The following CDH1 variants were observed in gnomAD, a reference collection of about 807,000 sequenced individuals.
CDH1 encodes cadherin-1.
A neutral mutation model predicts 84.5 loss-of-function variants in CDH1; 35 were observed. That is an observed-to-expected ratio of 0.41 (90% CI 0.32 to 0.55). The LOEUF (loss-of-function observed/expected upper bound fraction) is 0.55, where lower values mean the gene tolerates loss of function less well. Ranked by LOEUF, CDH1 falls within the 20% of genes least tolerant of loss-of-function variation. The pLI, the probability that CDH1 is intolerant of heterozygous loss-of-function variation, is 0.19. For missense variants in CDH1, 994 were observed against 1,126.6 expected (o/e 0.88, Z 1.68); for synonymous variants, 417 against 439.0 (o/e 0.95, Z 0.63).
intron 3 of CDH1, among the ~76,000 whole-genome samples, chr16:68,807,551 T>C (rs1031921418): frequency 2.0e-5 from 3 of 151,606 alleles, no homozygotes; most frequent in Non-Finnish European, 4.4e-5. Flanking sequence ...TGGTGGTGCA[T>C]GGTGGTGGAT....
chr16:68,820,855 C>T (rs1209653637), intron 11 of CDH1, among the ~76,000 whole-genome samples: 1 of 151,902 alleles, frequency 6.6e-6, no homozygotes, highest in Non-Finnish European at 1.5e-5. Context: ...GGCTTGAGGC[C>T]AGGAGTTCAA....
rs1555516163 is a variant in CDH1 at position 68,815,690 on chromosome 16, T to C, written c.1496T>C (p.Phe499Ser). 1 of 1,614,244 alleles carries C rather than the reference T, an allele frequency of 6.2e-7. No homozygotes were observed. The highest frequency in any genetic ancestry group is 8.5e-7 in the Non-Finnish European group (1 of 1,180,046). ...PEKRVEVSED[F>S]GVGQEITSYT... is the part of the protein sequence containing the mutation. ...AAGAGAGTGGAAGTGTCCGAGGACT[T>C]TGGCGTGGGCCAGGAAATCACATCC... Residue 499 changes from phenylalanine to serine, a missense_variant, in exon 10 of 16, where the codon TTT becomes TCT. By Grantham distance (155) the Phe-to-Ser change is radical. Around this residue, in one of 3 missense-constraint regions of CDH1, gnomAD observed 769 missense variants for 881.8 expected, o/e 0.87. Coordinates refer to ENST00000261769, the MANE Select transcript of CDH1 (RefSeq NM_004360.5).
chr16:68,749,292 G>T (rs1962828247), intron 2 of CDH1, among the ~76,000 whole-genome samples: 1 of 152,208 alleles, frequency 6.6e-6, no homozygotes, highest in Non-Finnish European at 1.5e-5. Flanking sequence ...TTTTGGTGAG[G>T]AATATGTTGA....
chr16:68,809,441 A>C (rs567021614), intron 5 of CDH1, among the ~76,000 whole-genome samples: 1 of 152,194 alleles, frequency 6.6e-6, no homozygotes, highest in East Asian at 1.9e-4. Flanking sequence ...ACCTCAGGCG[A>C]TTCACCCTAC....
intron 2 of CDH1, among the ~76,000 whole-genome samples, chr16:68,788,115 C>G (rs1340247863): frequency 6.6e-6 from 1 of 152,198 alleles, no homozygotes; most frequent in African/African-American, 2.4e-5. Flanking sequence ...GTGTGAGCCA[C>G]CGCACCCAGC....
intron 2 of CDH1, among the ~76,000 whole-genome samples, chr16:68,786,791 C>G (rs894350600): frequency 3.3e-5 from 5 of 152,140 alleles, no homozygotes; most frequent in African/African-American, 9.7e-5. Flanking sequence ...CAAGTGAGCA[C>G]TTGTTGTACA....
intron 2 of CDH1, among the ~76,000 whole-genome samples, chr16:68,787,274 C>T (rs1597874670): frequency 6.6e-6 from 1 of 152,144 alleles, no homozygotes; most frequent in Non-Finnish European, 1.5e-5. Context: ...GGTTCTGGGG[C>T]GAATGTTCCT....
chr16:68,779,154 C>T (rs1395029993), intron 2 of CDH1, among the ~76,000 whole-genome samples: 2 of 152,216 alleles, frequency 1.3e-5, no homozygotes, highest in Admixed American at 6.5e-5. Flanking sequence ...GACATCAACA[C>T]CGCCTGCCTC....
intron 2 of CDH1, among the ~76,000 whole-genome samples, chr16:68,753,240 C>T (rs1335817308): frequency 6.8e-5 from 10 of 147,280 alleles, no homozygotes; most frequent in Non-Finnish European, 1.5e-4. Flanking sequence ...AAAGCAAGGC[C>T]TGCTTAATCA....
In CDH1 at chr16:68,801,727, G is replaced by C. The variant is rs761562625; in HGVS notation, c.221G>C (p.Arg74Pro). ...ACAGCCTATTTTTCCCTCGACACCC[G>C]ATTCAAAGTGGGCACAGATGGTGTG... The part of the protein sequence containing the change: ...QRTAYFSLDT[R>P]FKVGTDGVIT... The change falls in exon 3 of 16, where the codon CGA becomes CCA. Residue 74 changes from arginine (R) to proline (P), a missense_variant. Arg to Pro is a moderately radical substitution (Grantham distance 103). Around this residue, in one of 3 missense-constraint regions of CDH1, gnomAD observed 203 missense variants for 194.0 expected, o/e 1.05. Coordinates refer to ENST00000261769, the MANE Select transcript of CDH1 (RefSeq NM_004360.5). 8 of 1,614,128 alleles carry C rather than the reference G, an allele frequency of 5.0e-6. No individual in the cohort carries two copies. The highest frequency in any genetic ancestry group is 5.9e-6 in the Non-Finnish European group (7 of 1,180,020).
chr16:68,815,087 T>G (rs1231819849), intron 9 of CDH1, among the ~76,000 whole-genome samples: 1 of 151,446 alleles, frequency 6.6e-6, no homozygotes, highest in Non-Finnish European at 1.5e-5. Flanking sequence ...ATTAGCCAGG[T>G]GTGGTGGCGG....
intron 10 of CDH1, among the ~76,000 whole-genome samples, chr16:68,816,851 A>G (rs572463999): frequency 1.5e-3 from 227 of 152,370 alleles, no homozygotes; most frequent in Non-Finnish European, 2.5e-3. Context: ...GCCTGGCAAG[A>G]TGGGTTTTAA....
chr16:68,797,480 T>G (rs987128796), intron 2 of CDH1, among the ~76,000 whole-genome samples: 12 of 151,964 alleles, frequency 7.9e-5, no homozygotes, highest in Middle Eastern at 3.4e-3. Flanking sequence ...CCCAGGAGTT[T>G]GTGAGCAGCC....
At chr16:68,740,994 G>A (rs1181438559) in intron 2 of CDH1, among the ~76,000 whole-genome samples, 1 of 152,014 alleles carries the variant, frequency 6.6e-6, no homozygotes, top group Non-Finnish European at 1.5e-5. Flanking sequence ...TGTCCAATGT[G>A]AAGTAAGCTG....
chr16:68,779,012 G>A (rs1959805044), intron 2 of CDH1, among the ~76,000 whole-genome samples: 1 of 152,162 alleles, frequency 6.6e-6, no homozygotes. Flanking sequence ...CAGCCAGGTG[G>A]CCTTTCAGGT....
chr16:68,738,253 ACCCT>A, intron 1 of CDH1, 40 bp from the exon 2 acceptor site: 1 of 1,293,220 alleles, frequency 7.7e-7, no homozygotes, highest in Non-Finnish European at 1.1e-6. Flanking sequence ...GCAGGAGGGA[ACCCT>A]CCGAGTCACC....
intron 12 of CDH1, chr16:68,823,133 C>T (rs73562605): frequency 9.1e-5 from 42 of 460,908 alleles, no homozygotes; most frequent in Non-Finnish European, 1.5e-4. Context: ...TGAAGAGCCC[C>T]GCTCTGCCTA....
intron 2 of CDH1, among the ~76,000 whole-genome samples, chr16:68,747,955 G>A (rs1962786150): frequency 6.6e-6 from 1 of 151,912 alleles, no homozygotes; most frequent in South Asian, 2.1e-4. Context: ...GTAGAGACAG[G>A]GTTTCACCAT....
chr16:68,749,229 C>T (rs1225393166), intron 2 of CDH1, among the ~76,000 whole-genome samples: 2 of 152,052 alleles, frequency 1.3e-5, no homozygotes, highest in Admixed American at 6.6e-5. Context: ...TTCCTTTGGA[C>T]CAACACTGGA....
Sources: allele counts gnomAD v4.1 joint callset (sites outside exome capture counted in the v4.1 genomes callset), GRCh38; gene constraint gnomAD v4.1.1; regional missense constraint gnomAD v4.1.1; transcripts MANE v1.5; gene names NCBI Gene and HGNC (gene_info 2026-07-23, HGNC 2026-07-21).